The following MCTP2 variants were observed in gnomAD, a reference collection of about 807,000 sequenced individuals.
MCTP2 encodes multiple C2 and transmembrane domain-containing protein 2.
MCTP2 carries 132 observed loss-of-function variants against 111.6 expected under a neutral mutation model. The ratio of observed to expected loss-of-function variants is 1.18; its 90% confidence interval spans 1.03 to 1.37. The LOEUF (loss-of-function observed/expected upper bound fraction) is 1.37, where lower values mean the gene tolerates loss of function less well. MCTP2 is among the 40% of genes most tolerant of loss of function. The pLI, the probability that MCTP2 is intolerant of heterozygous loss-of-function variation, is 0.00. For missense variants in MCTP2, 1,183 were observed against 1,067.9 expected, an observed-to-expected ratio of 1.11 and a Z score of -1.50; for synonymous variants, 395 against 387.7, an observed-to-expected ratio of 1.02 and a Z score of -0.22.
At chr15:94,430,807 C>T (rs1461004889) in intron 17 of MCTP2, among the ~76,000 whole-genome samples, 1 of 151,954 alleles carries the variant, frequency 6.6e-6, no homozygotes, top group African/African-American at 2.4e-5. Flanking sequence ...ACTCCCGATT[C>T]TGGGCCTTTG....
At chr15:94,395,754 G>A (rs185861516) in intron 14 of MCTP2, among the ~76,000 whole-genome samples, 14 of 152,160 alleles carry the variant, frequency 9.2e-5, no homozygotes, top group Non-Finnish European at 1.5e-4. Flanking sequence ...AATAGCTTAA[G>A]CATGACTCTG....
chr15:94,421,270 A>C (rs1316342406), intron 17 of MCTP2, among the ~76,000 whole-genome samples: 1 of 152,140 alleles, frequency 6.6e-6, no homozygotes, highest in East Asian at 1.9e-4. Context: ...TGGGAAACCC[A>C]AAAAATTGTG....
chr15:94,464,223 A>G (rs986948728), intron 20 of MCTP2, among the ~76,000 whole-genome samples: 99 of 91,326 alleles, frequency 1.1e-3, no homozygotes, highest in African/African-American at 3.5e-3. Context: ...ATGAAATATT[A>G]TATGTTTATA....
intron 4 of MCTP2, among the ~76,000 whole-genome samples, chr15:94,337,565 G>T (rs1219616472): frequency 6.6e-6 from 1 of 151,372 alleles, no homozygotes; most frequent in African/African-American, 2.4e-5. Context: ...TCTGCTGTAG[G>T]AGGGAGGGGG....
chr15:94,298,595 C>G lies in MCTP2; in HGVS notation c.330C>G (p.Ala110=). The G allele has an allele frequency of 6.2e-7, 1 of 1,614,118 alleles. No homozygotes were observed. Among genetic ancestry groups the G allele is most frequent in the South Asian group, 1.1e-5 (1 of 91,076 alleles). ...EEELDWSQEE[A]SHLHVVETDS... Reference sequence around the variant, plus strand: ...AATTGGATTGGAGCCAGGAAGAAGCCAGTCACCTCCATGTGGTGGAAACAG... The same window carrying G: ...AATTGGATTGGAGCCAGGAAGAAGCGAGTCACCTCCATGTGGTGGAAACAG... Residue 110 remains alanine, a synonymous_variant, in exon 2 of 23, where the codon GCC becomes GCG. Transcript: ENST00000357742.
In MCTP2 at chr15:94,462,468, A is replaced by G. The variant is rs530868846; in HGVS notation, c.2360+4222A>G. ...CTTGTTTTGAGATGGGAAAGCTTTGATTTACCAAGCTCCTTCAACTTCGGA... is the reference window on the plus strand; with the variant it reads ...CTTGTTTTGAGATGGGAAAGCTTTGGTTTACCAAGCTCCTTCAACTTCGGA... On this transcript the variant is annotated intron_variant, in intron 20 of 22. Transcript: ENST00000357742. 2.0e-5 allele frequency among the ~76,000 whole-genome samples: 3 copies of G among 152,294 alleles called. No individual in the cohort carries two copies. In the South Asian group the frequency reaches 6.2e-4, roughly 32 times the overall value.
At position 94,479,000 on chromosome 15, in the gene MCTP2, A is replaced by G. The variant is rs34040139; in HGVS notation, c.2603A>G (p.His868Arg). 3 of 1,614,114 alleles carry G rather than the reference A, an allele frequency of 1.9e-6. No homozygotes were observed. The South Asian group carries it at 3.3e-5, about 18-fold the overall frequency. Residue 868 changes from histidine (H) to arginine (R), a missense_variant, in exon 23 of 23, where the codon CAC (histidine) becomes CGC (arginine). Coordinates refer to ENST00000357742, the MANE Select transcript of MCTP2 (RefSeq NM_001385001.1). ...QYAELKLCSS[H>R]SPLRKKRSAL ...GCAGAATTGAAACTCTGCAGCAGCC[A>G]CAGCCCCCTGCGGAAGAAGCGCAGC...
chr15:94,443,995 A>AAAG (rs1032066266), intron 19 of MCTP2, among the ~76,000 whole-genome samples: 3 of 149,676 alleles, frequency 2.0e-5, no homozygotes, highest in Non-Finnish European at 1.5e-5. Context: ...AAAAAAAAAA[A>AAAG]AAAAAAAAAA....
rs1489573956 is a variant in MCTP2, at chr15:94,331,642, G to GA, written c.638-7644dup. 7.9e-5 allele frequency among the ~76,000 whole-genome samples: 12 copies of GA among 152,318 alleles called. 1 individual carries two copies. In the East Asian group the frequency reaches 2.3e-3, roughly 29 times the overall value. The stretch of plus-strand genomic sequence containing the variant: ...TAGTTAAACAAGTTTTAGTAACATT[G>GA]AAAATTTCAGGTCACTGATTTCGCT... On this transcript the variant is annotated intron_variant, in intron 4 of 22. Transcript: ENST00000357742.
chr15:94,457,011 A>T (rs1201511375), intron 19 of MCTP2, among the ~76,000 whole-genome samples: 1 of 152,078 alleles, frequency 6.6e-6, no homozygotes, highest in African/African-American at 2.4e-5. Context: ...AAATGATTTT[A>T]TTTTTTCCTT....
chr15:94,367,841 T>G, intron 11 of MCTP2, 50 bp downstream of exon 11: 1 of 1,460,700 alleles, frequency 6.8e-7, no homozygotes, highest in Admixed American at 2.4e-5. Context: ...CCTTCTCTTT[T>G]AAAACAAAGT....
At chr15:94,373,784 A>G (rs1303304683) in intron 12 of MCTP2, among the ~76,000 whole-genome samples, 1 of 152,202 alleles carries the variant, frequency 6.6e-6, no homozygotes, top group Non-Finnish European at 1.5e-5. Flanking sequence ...ATGTTTTTTA[A>G]AGAATTTGCT....
intron 17 of MCTP2, among the ~76,000 whole-genome samples, chr15:94,418,237 C>A (rs2082463224): frequency 6.6e-6 from 1 of 152,128 alleles, no homozygotes; most frequent in African/African-American, 2.4e-5. Context: ...CAATTAGAAT[C>A]CCATTGGACT....
chr15:94,328,417 C>G (rs532338083), intron 4 of MCTP2, among the ~76,000 whole-genome samples: 1 of 152,120 alleles, frequency 6.6e-6, no homozygotes, highest in African/African-American at 2.4e-5. Context: ...TGTGAGCCAC[C>G]GCGCCCGGCC....
intron 1 of MCTP2, among the ~76,000 whole-genome samples, chr15:94,294,869 C>G (rs1417209970): frequency 6.6e-6 from 1 of 151,644 alleles, no homozygotes; most frequent in Non-Finnish European, 1.5e-5. Context: ...TGTGGTGGAG[C>G]CCAGGACTGT....
At chr15:94,453,681 AAC>A (rs1311583310) in intron 19 of MCTP2, among the ~76,000 whole-genome samples, 4 of 151,132 alleles carry the variant, frequency 2.6e-5, no homozygotes, top group African/African-American at 7.3e-5. Flanking sequence ...TATAAATAAA[AAC>A]ACAAAGATTA....
chr15:94,306,206 G>A (rs888082238), intron 2 of MCTP2, among the ~76,000 whole-genome samples: 1 of 152,188 alleles, frequency 6.6e-6, no homozygotes, highest in Non-Finnish European at 1.5e-5. Flanking sequence ...TAGGCAGAGA[G>A]TAATACAGAT....
At position 94,333,511 on chromosome 15, in the gene MCTP2, T is replaced by G. The variant is rs531246764; in HGVS notation, c.638-5779T>G. Among the ~76,000 whole-genome samples, 6 of 152,354 alleles carry G rather than the reference T, an allele frequency of 3.9e-5. No homozygotes were observed. In the South Asian group the frequency reaches 1.0e-3, roughly 26 times the overall value. On this transcript the variant is annotated intron_variant, in intron 4 of 22. Transcript: ENST00000357742. ...TTACAGGTTCATTTTATTTGCATAT[T>G]AACAATTGTTCTTGAGCTGTTCAAT...
intron 13 of MCTP2, among the ~76,000 whole-genome samples, chr15:94,384,811 A>G (rs1325877496): frequency 1.3e-5 from 2 of 152,218 alleles, no homozygotes; most frequent in African/African-American, 4.8e-5. Flanking sequence ...GGATCTATGA[A>G]AAGTGGATTA....
Sources: allele counts gnomAD v4.1 joint callset (sites outside exome capture counted in the v4.1 genomes callset), GRCh38; gene constraint gnomAD v4.1.1; transcripts MANE v1.5; gene names NCBI Gene and HGNC (gene_info 2026-07-23, HGNC 2026-07-21).